The following IMMP2L variants were observed in gnomAD, a reference collection of about 807,000 sequenced individuals.
The protein encoded by IMMP2L is inner mitochondrial membrane peptidase subunit 2.
A neutral mutation model predicts 19.3 loss-of-function variants in IMMP2L; 18 were observed. That is an observed-to-expected ratio of 0.93 (90% confidence interval 0.64 to 1.38). IMMP2L has a LOEUF of 1.38. Ranked by LOEUF, IMMP2L falls within the 40% of genes most tolerant of loss-of-function variation. The pLI is 0.00. For synonymous variants in IMMP2L, 76 were observed against 73.0 expected (o/e 1.04, Z -0.21); for missense variants, 233 against 218.2 (o/e 1.07, Z -0.43).
chr7:111,042,671 G>A (rs1792013895), intron 3 of IMMP2L, among the ~76,000 whole-genome samples: 1 of 152,172 alleles, frequency 6.6e-6, no homozygotes, highest in Non-Finnish European at 1.5e-5. Flanking sequence ...TAAAATCTTA[G>A]TTCTGCCTAA....
At chr7:111,124,486 C>T (rs766189186) in intron 3 of IMMP2L, 2 of 1,613,910 alleles carry the variant, frequency 1.2e-6, no homozygotes, top group Non-Finnish European at 1.7e-6. Flanking sequence ...TGCTCGAATA[C>T]CATCTGATGT....
intron 3 of IMMP2L, among the ~76,000 whole-genome samples, chr7:111,006,931 G>A (rs1362963079): frequency 4.0e-5 from 6 of 151,874 alleles, no homozygotes; most frequent in Admixed American, 2.0e-4. Flanking sequence ...AAATATGCTC[G>A]CTTGAGAGCA....
chr7:111,231,009 G>A (rs1813651520), intron 3 of IMMP2L, among the ~76,000 whole-genome samples: 1 of 144,756 alleles, frequency 6.9e-6, no homozygotes, highest in Non-Finnish European at 1.5e-5. Flanking sequence ...TATGATGTAG[G>A]TAAATAAGTA....
chr7:111,152,934 A>G (rs1804239531), intron 3 of IMMP2L, among the ~76,000 whole-genome samples: 1 of 152,090 alleles, frequency 6.6e-6, no homozygotes, highest in Non-Finnish European at 1.5e-5. Context: ...TAGATGAATG[A>G]TGAATGGATA....
chr7:111,083,573 C>G (rs1011150474), intron 3 of IMMP2L, among the ~76,000 whole-genome samples: 3 of 152,154 alleles, frequency 2.0e-5, no homozygotes, highest in Non-Finnish European at 2.9e-5. Context: ...AGTTTTAAGA[C>G]TGTTGGCTTT....
intron 3 of IMMP2L, among the ~76,000 whole-genome samples, chr7:111,116,930 A>G (rs1799947239): frequency 6.6e-6 from 1 of 152,170 alleles, no homozygotes; most frequent in African/African-American, 2.4e-5. Flanking sequence ...AAAATGAAGG[A>G]ATTTGAATTC....
At chr7:111,348,507 A>G (rs1827808222) in intron 3 of IMMP2L, among the ~76,000 whole-genome samples, 1 of 152,084 alleles carries the variant, frequency 6.6e-6, no homozygotes, top group Non-Finnish European at 1.5e-5. Context: ...CTATACTCTA[A>G]TACACTTCCT....
chr7:111,186,438 TAGA>T (rs919854300), intron 3 of IMMP2L, among the ~76,000 whole-genome samples: 4 of 152,020 alleles, frequency 2.6e-5, no homozygotes, highest in African/African-American at 9.7e-5. Flanking sequence ...TTTTTTTTTT[TAGA>T]AGGAGTTTCA....
chr7:110,763,709 G>C (rs1417641731), intron 5 of IMMP2L, among the ~76,000 whole-genome samples: 1 of 152,046 alleles, frequency 6.6e-6, no homozygotes, highest in African/African-American at 2.4e-5. Flanking sequence ...TTTAAAGCAG[G>C]GCAATAGTAA....
chr7:111,125,817 C>CTTTTT (rs1217257175), intron 3 of IMMP2L, among the ~76,000 whole-genome samples: 150 of 100,140 alleles, frequency 1.5e-3, no homozygotes, highest in Middle Eastern at 7.7e-3. Flanking sequence ...AGGCCGCTTG[C>CTTTTT]TTTTTTTTTT....
At chr7:110,694,673 G>A (rs766618062) in intron 5 of IMMP2L, among the ~76,000 whole-genome samples, 2 of 152,072 alleles carry the variant, frequency 1.3e-5, no homozygotes, top group Admixed American at 6.6e-5. Flanking sequence ...GAATTTGGTG[G>A]TTCCTCAAAA....
intron 4 of IMMP2L, among the ~76,000 whole-genome samples, chr7:110,922,333 A>G (rs968976509): frequency 1.7e-4 from 26 of 152,212 alleles, no homozygotes; most frequent in African/African-American, 6.0e-4. Flanking sequence ...GCATATAAAA[A>G]TACTAAGATG....
intron 3 of IMMP2L, among the ~76,000 whole-genome samples, chr7:111,343,320 T>C (rs539987497): frequency 1.3e-5 from 2 of 152,086 alleles, no homozygotes; most frequent in Non-Finnish European, 2.9e-5. Context: ...TGACTTTTCC[T>C]TTCTCTAGTC....
Position 111,079,114 on chromosome 7 carries a change from AT to A in IMMP2L, c.240-115550del. ...TTTCATTGAATTAAATATGACATTA[AT>A]TTTTTTCTTTTTTTTTTTTTGAGAC... On this transcript the variant is annotated intron_variant, in intron 3 of 5. Coordinates refer to ENST00000405709, the MANE Select transcript of IMMP2L (RefSeq NM_032549.4). 2.0e-5 allele frequency among the ~76,000 whole-genome samples: 3 copies of A among 151,246 alleles called. No individual in the cohort carries two copies. In the South Asian group the frequency reaches 6.3e-4, roughly 32 times the overall value.
At chr7:110,787,394 C>A (rs1800154882) in intron 5 of IMMP2L, among the ~76,000 whole-genome samples, 1 of 151,936 alleles carries the variant, frequency 6.6e-6, no homozygotes, top group Non-Finnish European at 1.5e-5. Context: ...TCAATGTGAT[C>A]AGTTGAGGGT....
chr7:111,335,261 A>T (rs1458035668), intron 3 of IMMP2L, among the ~76,000 whole-genome samples: 2 of 152,260 alleles, frequency 1.3e-5, no homozygotes, highest in East Asian at 3.9e-4. Flanking sequence ...AAATGGATGC[A>T]TCCCTTTAAA....
chr7:111,388,405 C>T (rs1241092779), intron 3 of IMMP2L, among the ~76,000 whole-genome samples: 1 of 151,930 alleles, frequency 6.6e-6, no homozygotes, highest in Non-Finnish European at 1.5e-5. Context: ...TAAACCCTGT[C>T]GTTTGGAATC....
chr7:110,947,237 G>A (rs1396991590), intron 4 of IMMP2L, among the ~76,000 whole-genome samples: 1 of 151,962 alleles, frequency 6.6e-6, no homozygotes, highest in Non-Finnish European at 1.5e-5. Flanking sequence ...ACATCGCTGG[G>A]GAACTTTCAT....
chr7:111,327,387 A>G (rs1054046311), intron 3 of IMMP2L, among the ~76,000 whole-genome samples: 2 of 151,776 alleles, frequency 1.3e-5, no homozygotes, highest in African/African-American at 4.8e-5. Context: ...ATCATTATAT[A>G]TAAAAAGTGT....
Sources: allele counts gnomAD v4.1 joint callset (sites outside exome capture counted in the v4.1 genomes callset), GRCh38; gene constraint gnomAD v4.1.1; transcripts MANE v1.5; gene names NCBI Gene and HGNC (gene_info 2026-07-23, HGNC 2026-07-21).